The following RFX3 variants were observed in gnomAD, a reference collection of about 807,000 sequenced individuals.
The protein encoded by RFX3 is transcription factor RFX3.
Under a neutral mutation model 98.6 loss-of-function variants are expected in RFX3, and 14 were observed. The observed-to-expected ratio is 0.14, with a 90% confidence interval of 0.09 to 0.22. RFX3 has a LOEUF of 0.22. RFX3 is among the 10% of genes least tolerant of loss of function. RFX3 has a pLI of 1.00. For synonymous variants in RFX3, 383 were observed against 328.4 expected (o/e 1.17, Z -1.80); for missense variants, 639 against 926.9 (o/e 0.69, Z 4.03).
intron 15 of RFX3, among the ~76,000 whole-genome samples, chr9:3,230,240 T>A (rs1818288901): frequency 6.6e-6 from 1 of 152,176 alleles, no homozygotes; most frequent in African/African-American, 2.4e-5. Context: ...CATAGAAGCA[T>A]TACTGGAACA....
chr9:3,283,070 C>G (rs770952314), intron 7 of RFX3, among the ~76,000 whole-genome samples: 1 of 151,704 alleles, frequency 6.6e-6, no homozygotes, highest in Non-Finnish European at 1.5e-5. Flanking sequence ...TGTTTCTCCT[C>G]TCTTCAATAG....
At chr9:3,328,336 T>C (rs530519518) in intron 4 of RFX3, among the ~76,000 whole-genome samples, 46 of 152,300 alleles carry the variant, frequency 3.0e-4, no homozygotes, top group Admixed American at 2.3e-3. Flanking sequence ...GAATATTTTA[T>C]AATTCCTTTG....
intron 1 of RFX3, among the ~76,000 whole-genome samples, chr9:3,505,296 A>T (rs1198661630): frequency 2.5e-5 from 2 of 79,830 alleles, no homozygotes; most frequent in Non-Finnish European, 3.9e-5. Context: ...TTTTATATTT[A>T]TATATATATA....
intron 1 of RFX3, among the ~76,000 whole-genome samples, chr9:3,424,324 G>GAGTC (rs1843749076): frequency 6.9e-6 from 1 of 144,984 alleles, no homozygotes; most frequent in Non-Finnish European, 1.5e-5. Flanking sequence ...AGCAACAGTA[G>GAGTC]AGTCACTGTA....
At chr9:3,488,805 C>T (rs1470440083) in intron 1 of RFX3, 1 of 985,258 alleles carries the variant, frequency 1.0e-6, no homozygotes, top group Non-Finnish European at 1.2e-6. Context: ...ATGGAGGTTA[C>T]AGCTTCAGCT....
intron 1 of RFX3, among the ~76,000 whole-genome samples, chr9:3,521,935 A>AT (rs140360883): frequency 1.8e-4 from 27 of 152,276 alleles, no homozygotes; most frequent in African/African-American, 6.3e-4. Flanking sequence ...ATAAGAATTG[A>AT]TAAGTGTTTT....
chr9:3,502,852 A>G (rs1186081679), intron 1 of RFX3, among the ~76,000 whole-genome samples: 1 of 152,186 alleles, frequency 6.6e-6, no homozygotes, highest in African/African-American at 2.4e-5. Context: ...ATAGGTGGGG[A>G]ATAAATGATT....
At chr9:3,517,600 T>C (rs34320659) in intron 1 of RFX3, among the ~76,000 whole-genome samples, 2,460 of 152,262 alleles carry the variant, frequency 0.016, 35 homozygotes, top group Middle Eastern at 0.061. Context: ...CTGCTTCTAA[T>C]AAAAGTGAGA....
intron 3 of RFX3, among the ~76,000 whole-genome samples, chr9:3,332,775 C>G (rs1389544071): frequency 6.6e-6 from 1 of 152,142 alleles, no homozygotes; most frequent in African/African-American, 2.4e-5. Flanking sequence ...GACCATTTTT[C>G]TGGTCCTGAC....
At chr9:3,281,643 T>C (rs1825928562) in intron 7 of RFX3, among the ~76,000 whole-genome samples, 1 of 151,778 alleles carries the variant, frequency 6.6e-6, no homozygotes, top group African/African-American at 2.4e-5. Context: ...GTGCTAAAGT[T>C]GTTAATGATT....
intron 1 of RFX3, among the ~76,000 whole-genome samples, chr9:3,493,903 C>G (rs1002539222): frequency 6.6e-6 from 1 of 151,798 alleles, no homozygotes; most frequent in Non-Finnish European, 1.5e-5. Context: ...TTCCTCACAG[C>G]CAATAAACCT....
chr9:3,428,864 T>C (rs1236084409), intron 1 of RFX3, among the ~76,000 whole-genome samples: 3 of 152,200 alleles, frequency 2.0e-5, no homozygotes, highest in Admixed American at 6.5e-5. Flanking sequence ...TCAATTGTTC[T>C]AGATACTAGA....
At chr9:3,362,327 C>G (rs1029168061) in intron 2 of RFX3, among the ~76,000 whole-genome samples, 8 of 152,126 alleles carry the variant, frequency 5.3e-5, no homozygotes, top group Non-Finnish European at 1.2e-4. Context: ...ATTTAAATGA[C>G]AGAATTCATT....
chr9:3,503,249 G>A (rs1040934923), intron 1 of RFX3, among the ~76,000 whole-genome samples: 3 of 151,980 alleles, frequency 2.0e-5, no homozygotes, highest in Admixed American at 6.6e-5. Context: ...TCATTGAACC[G>A]GCCTTTCAGG....
intron 4 of RFX3, 61 bp from the exon 5 acceptor site, chr9:3,301,681 G>A (rs1828676384): frequency 2.6e-6 from 3 of 1,167,266 alleles, no homozygotes; most frequent in South Asian, 2.9e-5. Context: ...AGGCTGACCA[G>A]AGAATTTCTG....
At chr9:3,306,834 A>T (rs967269453) in intron 4 of RFX3, among the ~76,000 whole-genome samples, 1 of 152,098 alleles carries the variant, frequency 6.6e-6, no homozygotes, top group Non-Finnish European at 1.5e-5. Flanking sequence ...GGCAAAGCAA[A>T]CAAGATAAGA....
At chr9:3,365,674 T>C (rs952238978) in intron 2 of RFX3, among the ~76,000 whole-genome samples, 5 of 152,114 alleles carry the variant, frequency 3.3e-5, no homozygotes, top group African/African-American at 9.7e-5. Context: ...ACAAAACTTA[T>C]ATATAAACAC....
intron 1 of RFX3, chr9:3,490,277 A>G: frequency 1.1e-6 from 1 of 948,688 alleles, no homozygotes; most frequent in Non-Finnish European, 1.2e-6. Flanking sequence ...TGTTCAAATT[A>G]CCTCATATTC....
intron 4 of RFX3, among the ~76,000 whole-genome samples, chr9:3,320,166 A>T (rs1785548480): frequency 6.6e-6 from 1 of 152,192 alleles, no homozygotes. Context: ...CTTGTCCAAA[A>T]TTTTTAAAAA....
Sources: gnomAD v4.1 joint callset for allele counts (sites outside exome capture counted in the v4.1 genomes callset) on GRCh38, gnomAD v4.1.1 for gene constraint, MANE v1.5 for transcripts, NCBI Gene and HGNC (gene_info 2026-07-23, HGNC 2026-07-21) for gene names.